Variants in NPFFR2 observed in about 807,000 individuals in gnomAD.
The protein encoded by NPFFR2 is G-protein coupled receptor 74.
Under a neutral mutation model 13.1 loss-of-function variants are expected in NPFFR2, and 15 were observed. That is an observed-to-expected ratio of 1.15 (90% CI 0.77 to 1.76). The LOEUF (loss-of-function observed/expected upper bound fraction) is 1.76, where lower values mean the gene tolerates loss of function less well. Among genes scored for constraint, NPFFR2 ranks in the 40% most tolerant of loss-of-function variants. The pLI, the probability that NPFFR2 is intolerant of heterozygous loss-of-function variation, is 0.00. For synonymous variants in NPFFR2, 190 were observed against 175.7 expected, an observed-to-expected ratio of 1.08 and a Z score of -0.65; for missense variants, 572 against 503.5, an observed-to-expected ratio of 1.14 and a Z score of -1.30.
At chr4:72,130,591 C>G (rs1421202982) in intron 2 of NPFFR2, among the ~76,000 whole-genome samples, 2 of 152,042 alleles carry the variant, frequency 1.3e-5, no homozygotes, top group South Asian at 2.1e-4. Flanking sequence ...TTCCCTTGAC[C>G]CCTGCTTGGG....
chr4:72,133,735 C>T (rs1385386319), intron 2 of NPFFR2, among the ~76,000 whole-genome samples: 1 of 152,044 alleles, frequency 6.6e-6, no homozygotes, highest in Non-Finnish European at 1.5e-5. Flanking sequence ...CCGTAGTTAG[C>T]TGTATTCCTA....
intron 1 of NPFFR2, among the ~76,000 whole-genome samples, chr4:72,071,608 C>T (rs1720258808): frequency 6.6e-6 from 1 of 152,076 alleles, no homozygotes; most frequent in South Asian, 2.1e-4. Flanking sequence ...GGCACAAAAC[C>T]ATCCATCCCC....
At chr4:72,072,280 G>T (rs775757829) in intron 1 of NPFFR2, among the ~76,000 whole-genome samples, 2 of 152,002 alleles carry the variant, frequency 1.3e-5, no homozygotes, top group Non-Finnish European at 2.9e-5. Flanking sequence ...TTGAACAACT[G>T]TCTCAAAGAT....
At chr4:72,104,107 A>C (rs1305902036) in intron 1 of NPFFR2, among the ~76,000 whole-genome samples, 1 of 152,078 alleles carries the variant, frequency 6.6e-6, no homozygotes, top group Non-Finnish European at 1.5e-5. Context: ...AAGGTTCACC[A>C]TCCCCTGCCC....
At chr4:72,076,007 A>AC (rs1720424304) in intron 1 of NPFFR2, among the ~76,000 whole-genome samples, 1 of 7,000 alleles carries the variant, frequency 1.4e-4, no homozygotes, top group Admixed American at 3.0e-3. Flanking sequence ...ACACACACAC[A>AC]GAGAGAGAGA....
chr4:72,038,464 T>C (rs190683227), intron 1 of NPFFR2, among the ~76,000 whole-genome samples: 111 of 152,322 alleles, frequency 7.3e-4, no homozygotes, highest in African/African-American at 2.6e-3. Flanking sequence ...CCTATTAGAT[T>C]ATCCTGCATC....
chr4:72,059,084 G>A (rs904939681), intron 1 of NPFFR2, among the ~76,000 whole-genome samples: 4 of 152,000 alleles, frequency 2.6e-5, no homozygotes, highest in African/African-American at 9.7e-5. Context: ...TTATTCAGGT[G>A]GCAATTTACT....
intron 3 of NPFFR2, among the ~76,000 whole-genome samples, chr4:72,141,752 G>T (rs183816336): frequency 2.0e-5 from 3 of 152,302 alleles, no homozygotes; most frequent in Non-Finnish European, 4.4e-5. Context: ...TTGGGGTGGA[G>T]AGTTCGGTAG....
intron 1 of NPFFR2, among the ~76,000 whole-genome samples, chr4:72,116,016 A>G (rs1218201772): frequency 6.6e-6 from 1 of 152,182 alleles, no homozygotes; most frequent in Admixed American, 6.5e-5. Context: ...AGTCATTTTT[A>G]CACATTGATT....
chr4:72,099,973 T>A (rs980833365), intron 1 of NPFFR2, among the ~76,000 whole-genome samples: 28 of 152,090 alleles, frequency 1.8e-4, no homozygotes, highest in Admixed American at 4.6e-4. Flanking sequence ...TTCAGACATA[T>A]GGGAATATTT....
chr4:72,078,272 T>C (rs1720502230), intron 1 of NPFFR2, among the ~76,000 whole-genome samples: 1 of 152,098 alleles, frequency 6.6e-6, no homozygotes, highest in Non-Finnish European at 1.5e-5. Context: ...ATGAACTGAA[T>C]ATATAAGAAT....
chr4:72,056,328 G>A (rs1719742871), intron 1 of NPFFR2, among the ~76,000 whole-genome samples: 1 of 151,926 alleles, frequency 6.6e-6, no homozygotes, highest in Non-Finnish European at 1.5e-5. Context: ...TCAAAGCTTT[G>A]ATGACAGCAC....
intron 3 of NPFFR2, among the ~76,000 whole-genome samples, chr4:72,140,897 T>A (rs1203769494): frequency 6.6e-6 from 1 of 152,128 alleles, no homozygotes; most frequent in Admixed American, 6.5e-5. Context: ...CGTCCTGGAC[T>A]TTTTTTGGTT....
intron 1 of NPFFR2, among the ~76,000 whole-genome samples, chr4:72,080,988 T>C (rs1466504929): frequency 6.6e-6 from 1 of 152,166 alleles, no homozygotes; most frequent in Admixed American, 6.6e-5. Context: ...ACCTCCCTTA[T>C]ACAGTCCCTC....
At chr4:72,040,247 G>T (rs986595648) in intron 1 of NPFFR2, among the ~76,000 whole-genome samples, 3 of 152,074 alleles carry the variant, frequency 2.0e-5, no homozygotes, top group Non-Finnish European at 4.4e-5. Flanking sequence ...CATTAGACAT[G>T]TAGTCTTCTA....
intron 1 of NPFFR2, among the ~76,000 whole-genome samples, chr4:72,057,713 A>C (rs993752917): frequency 6.6e-6 from 1 of 151,994 alleles, no homozygotes; most frequent in Non-Finnish European, 1.5e-5. Context: ...CACAACAGTG[A>C]AAATAGGATA....
intron 1 of NPFFR2, among the ~76,000 whole-genome samples, chr4:72,100,741 A>G (rs1488994289): frequency 2.6e-5 from 4 of 152,096 alleles, no homozygotes; most frequent in Non-Finnish European, 5.9e-5. Context: ...TGACAAGTAT[A>G]ACAAAATATG....
At chr4:72,111,599 T>C (rs1157088732) in intron 1 of NPFFR2, among the ~76,000 whole-genome samples, 1 of 152,012 alleles carries the variant, frequency 6.6e-6, no homozygotes, top group Non-Finnish European at 1.5e-5. Flanking sequence ...AATAATCTCT[T>C]GTACGTTCCT....
In NPFFR2 at chr4:72,046,712, G is replaced by A. The variant is rs189279538; in HGVS notation, c.-8+14512G>A. Among the ~76,000 whole-genome samples the A allele has an allele frequency of 1.4e-3, 219 of 152,284 alleles. 1 individual carries two copies. The highest frequency in any genetic ancestry group is 3.4e-3 in the Middle Eastern group (1 of 294). On this transcript the variant is annotated intron_variant, in intron 1 of 3. Transcript: ENST00000308744. ...AATTTGGAGGAGCAGGCTAGAAAAA[G>A]CCTAGATTGCTGTGAATGTAGCATT...
Sources: allele counts gnomAD v4.1 joint callset (sites outside exome capture counted in the v4.1 genomes callset), GRCh38; gene constraint gnomAD v4.1.1; transcripts MANE v1.5; gene names NCBI Gene and HGNC (gene_info 2026-07-23, HGNC 2026-07-21).